Variants in ATP8A2 observed in about 807,000 individuals in gnomAD.
The protein encoded by ATP8A2 is ATPase phospholipid transporting 8A2, also known as phospholipid-transporting ATPase IB.
In ATP8A2, 100 loss-of-function variants were observed where a neutral mutation model predicts 165.6. The observed-to-expected ratio is 0.60, with a 90% CI of 0.51 to 0.71. The LOEUF (loss-of-function observed/expected upper bound fraction) is 0.71, where lower values mean the gene tolerates loss of function less well. Among genes scored for constraint, ATP8A2 ranks in the 30% least tolerant of loss-of-function variants. The pLI is 0.00. For missense variants in ATP8A2, 1,227 were observed against 1,479.5 expected, an observed-to-expected ratio of 0.83 and a Z score of 2.80; for synonymous variants, 543 against 548.8, an observed-to-expected ratio of 0.99 and a Z score of 0.15.
chr13:25,937,296 T>C (rs1208889016), intron 33 of ATP8A2, among the ~76,000 whole-genome samples: 2 of 149,636 alleles, frequency 1.3e-5, no homozygotes, highest in Non-Finnish European at 3.0e-5. Flanking sequence ...AGTGCAGTCA[T>C]AGAAGTCATT....
intron 33 of ATP8A2, among the ~76,000 whole-genome samples, chr13:25,934,389 T>C (rs1954833798): frequency 6.6e-6 from 1 of 152,304 alleles, no homozygotes; most frequent in Admixed American, 6.5e-5. Flanking sequence ...TGAGTACACA[T>C]AGGCATGGCA....
At chr13:25,419,059 A>G (rs1203040598) in intron 1 of ATP8A2, among the ~76,000 whole-genome samples, 1 of 152,112 alleles carries the variant, frequency 6.6e-6, no homozygotes, top group Non-Finnish European at 1.5e-5. Context: ...ATGTGTGTGC[A>G]TATGTGTGTG....
chr13:25,412,938 C>A (rs546347243), intron 1 of ATP8A2, among the ~76,000 whole-genome samples: 2 of 152,192 alleles, frequency 1.3e-5, no homozygotes, highest in Non-Finnish European at 2.9e-5. Flanking sequence ...CTGCCTCAGC[C>A]TCCTGAGTAG....
rs145163738 is a variant in ATP8A2 at position 25,791,617 on chromosome 13, T to C, written c.2679+16658T>C. ...TAAGCAGTCCACTCTGCCTGGAAGT[T>C]GCTGGAAGGACTCCATGCGAAAGTG... On this transcript the variant is annotated intron_variant, in intron 27 of 36. Coordinates refer to ENST00000381655, the MANE Select transcript of ATP8A2 (RefSeq NM_016529.6). Among the ~76,000 whole-genome samples, 681 of 151,328 alleles carry C rather than the reference T, an allele frequency of 4.5e-3. 4 individuals are homozygous for C. Among genetic ancestry groups the C allele is most frequent in the African/African-American group, 0.015 (636 of 41,106 alleles).
chr13:25,531,185 G>A (rs1257713310), intron 4 of ATP8A2, among the ~76,000 whole-genome samples: 1 of 135,944 alleles, frequency 7.4e-6, no homozygotes, highest in African/African-American at 2.9e-5. Context: ...ATATATATAT[G>A]TTATATATGT....
intron 24 of ATP8A2, among the ~76,000 whole-genome samples, chr13:25,655,246 G>A (rs762556388): frequency 3.3e-5 from 5 of 152,102 alleles, no homozygotes; most frequent in Non-Finnish European, 7.4e-5. Context: ...TGCAACCTCC[G>A]CCTCCTGGGT....
At chr13:25,709,586 A>G (rs1265134527) in intron 25 of ATP8A2, among the ~76,000 whole-genome samples, 3 of 152,236 alleles carry the variant, frequency 2.0e-5, no homozygotes, top group Non-Finnish European at 4.4e-5. Flanking sequence ...ACATGAACAC[A>G]TGACTATACA....
At chr13:25,595,289 A>G (rs2040206893) in intron 24 of ATP8A2, among the ~76,000 whole-genome samples, 2 of 152,220 alleles carry the variant, frequency 1.3e-5, no homozygotes, top group South Asian at 4.1e-4. Context: ...TCTTTAACAC[A>G]AAAGGTTTTA....
At chr13:25,542,489 C>T (rs1293059933) in intron 9 of ATP8A2, among the ~76,000 whole-genome samples, 1 of 151,474 alleles carries the variant, frequency 6.6e-6, no homozygotes, top group Non-Finnish European at 1.5e-5. Context: ...TCAGTGCCCT[C>T]CTGTCTATAT....
chr13:25,702,379 C>T (rs561451483), intron 25 of ATP8A2, among the ~76,000 whole-genome samples: 1 of 152,164 alleles, frequency 6.6e-6, no homozygotes, highest in African/African-American at 2.4e-5. Flanking sequence ...TAGAATCAAA[C>T]AATTTGCTAA....
At chr13:25,391,294 C>G (rs1393209492) in intron 1 of ATP8A2, among the ~76,000 whole-genome samples, 3 of 152,168 alleles carry the variant, frequency 2.0e-5, no homozygotes, top group African/African-American at 7.2e-5. Context: ...GTAATTTCTC[C>G]CTACTCTGAA....
At chr13:25,896,619 T>A (rs143734584) in intron 33 of ATP8A2, among the ~76,000 whole-genome samples, 1 of 152,116 alleles carries the variant, frequency 6.6e-6, no homozygotes, top group African/African-American at 2.4e-5. Context: ...ATCTGTCTAA[T>A]GTTGACAGTG....
chr13:25,995,505 C>T lies in ATP8A2; in HGVS notation c.3378-17026C>T, dbSNP rs571636576. Among the ~76,000 whole-genome samples the T allele has an allele frequency of 3.3e-5, 5 of 151,766 alleles. No individual in the cohort carries two copies. In the East Asian group the frequency reaches 9.7e-4, roughly 29 times the overall value. ...ACAAATTGTAATGTATTTTCTTTTT[C>T]ATTTAATTCAGTAATTTTTTATTTG... is the stretch of plus-strand genomic sequence containing the variant. On this transcript the variant is annotated intron_variant, in intron 35 of 36. Coordinates refer to ENST00000381655, the MANE Select transcript of ATP8A2 (RefSeq NM_016529.6).
intron 1 of ATP8A2, among the ~76,000 whole-genome samples, chr13:25,456,526 G>T (rs1211462314): frequency 6.6e-6 from 1 of 152,196 alleles, no homozygotes; most frequent in Non-Finnish European, 1.5e-5. Flanking sequence ...GAGGAGGGGG[G>T]ATCTAACCCA....
At chr13:25,836,255 C>T (rs140666645) in intron 28 of ATP8A2, among the ~76,000 whole-genome samples, 396 of 152,216 alleles carry the variant, frequency 2.6e-3, no homozygotes, top group African/African-American at 9.1e-3. Flanking sequence ...CAGCTCTTAG[C>T]ACAAGTAACT....
chr13:25,463,637 C>T (rs544462572), intron 1 of ATP8A2, among the ~76,000 whole-genome samples: 27 of 152,214 alleles, frequency 1.8e-4, no homozygotes, highest in East Asian at 1.2e-3. Context: ...CTTATTGCCA[C>T]GCACACATTC....
chr13:25,656,762 A>G (rs1239872662), intron 24 of ATP8A2, among the ~76,000 whole-genome samples: 3 of 149,104 alleles, frequency 2.0e-5, no homozygotes, highest in East Asian at 2.0e-4. Flanking sequence ...AAAAAGATAT[A>G]TTTTCTTCAG....
In ATP8A2 at chr13:26,023,751, T is replaced by C. The variant is rs1957118867; in HGVS notation, c.*3766T>C. On this transcript the variant is annotated 3_prime_UTR_variant, in exon 37 of 37. Coordinates refer to ENST00000381655, the MANE Select transcript of ATP8A2 (RefSeq NM_016529.6). ...ATAAGGTGGTCTTTAGTTTTGAACGTGTGAAAGGACTGCACACTTTTCAGC... is the reference window on the plus strand; with the variant it reads ...ATAAGGTGGTCTTTAGTTTTGAACGCGTGAAAGGACTGCACACTTTTCAGC... 6.6e-6 allele frequency: 1 copy of C among 152,166 alleles called. No homozygotes were observed. The highest frequency in any genetic ancestry group is 2.4e-5 in the African/African-American group (1 of 41,428). 9.4% of individuals were successfully genotyped at this position (152,166 alleles called of 1,614,324 possible).
intron 35 of ATP8A2, among the ~76,000 whole-genome samples, chr13:25,987,944 C>G (rs1038790385): frequency 9.9e-5 from 15 of 152,192 alleles, no homozygotes; most frequent in African/African-American, 3.6e-4. Flanking sequence ...GTTACATTCA[C>G]CTTTGGCTAA....
Sources: gnomAD v4.1 joint callset for allele counts (sites outside exome capture counted in the v4.1 genomes callset) on GRCh38, gnomAD v4.1.1 for gene constraint, MANE v1.5 for transcripts, NCBI Gene and HGNC (gene_info 2026-07-23, HGNC 2026-07-21) for gene names.